Variants in MEGF11 observed in about 807,000 individuals in gnomAD.
MEGF11 encodes multiple epidermal growth factor-like domains protein 11.
MEGF11 carries 126 observed loss-of-function variants against 146.6 expected under a neutral mutation model. The observed-to-expected ratio is 0.86, with a 90% CI of 0.74 to 1.00. The LOEUF (loss-of-function observed/expected upper bound fraction) is 1.00. Ranked by LOEUF, MEGF11 falls within the 50% of genes least tolerant of loss-of-function variation. The pLI is 0.00. For synonymous variants in MEGF11, 532 were observed against 583.4 expected (o/e 0.91, Z 1.27); for missense variants, 1,509 against 1,521.2 (o/e 0.99, Z 0.13).
intron 1 of MEGF11, among the ~76,000 whole-genome samples, chr15:66,204,391 C>A (rs1476765590): frequency 1.3e-5 from 2 of 151,844 alleles, no homozygotes; most frequent in African/African-American, 2.4e-5. Context: ...GATGACAGAA[C>A]AAGACCCTGT....
chr15:65,916,312 G>A, intron 17 of MEGF11, 36 bp from the exon 18 acceptor site: 1 of 1,540,146 alleles, frequency 6.5e-7, no homozygotes, highest in Non-Finnish European at 8.8e-7. Flanking sequence ...GAGAGTTGCT[G>A]CTGGGTGGGG....
intron 17 of MEGF11, 115 bp from the exon 18 acceptor site, chr15:65,916,391 G>T: frequency 7.8e-7 from 1 of 1,287,342 alleles, no homozygotes; most frequent in Non-Finnish European, 1.1e-6. Flanking sequence ...ATGAAGACTA[G>T]TGAGACCCTG....
intron 5 of MEGF11, among the ~76,000 whole-genome samples, chr15:66,040,925 T>C (rs1018467818): frequency 5.3e-5 from 8 of 150,934 alleles, no homozygotes; most frequent in African/African-American, 1.7e-4. Flanking sequence ...TTTTTTTTTT[T>C]TCCCCCCCGG....
intron 1 of MEGF11, among the ~76,000 whole-genome samples, chr15:66,132,478 G>T (rs1424001943): frequency 6.6e-6 from 1 of 152,210 alleles, no homozygotes; most frequent in Non-Finnish European, 1.5e-5. Context: ...CCTGCTCTCT[G>T]TCAATCCCAG....
intron 4 of MEGF11, among the ~76,000 whole-genome samples, chr15:66,113,382 TG>T (rs1313733729): frequency 1.3e-5 from 2 of 152,252 alleles, no homozygotes; most frequent in East Asian, 3.9e-4. Context: ...AAGCCACCAC[TG>T]AAAGGGCCAG....
chr15:66,139,927 C>G (rs1420066344), intron 1 of MEGF11, among the ~76,000 whole-genome samples: 1 of 152,096 alleles, frequency 6.6e-6, no homozygotes, highest in African/African-American at 2.4e-5. Flanking sequence ...ACCCTGAGCA[C>G]CAGTGTCAAG....
chr15:66,058,248 T>C (rs1421483186), intron 5 of MEGF11, among the ~76,000 whole-genome samples: 2 of 152,056 alleles, frequency 1.3e-5, no homozygotes, highest in Non-Finnish European at 2.9e-5. Flanking sequence ...CGGCAGTAAA[T>C]GGATAATATC....
At chr15:66,217,164 G>T (rs1018934719) in intron 1 of MEGF11, among the ~76,000 whole-genome samples, 6 of 152,226 alleles carry the variant, frequency 3.9e-5, no homozygotes, top group Non-Finnish European at 7.3e-5. Context: ...ACCTAAGTCA[G>T]GGGGCATGTC....
chr15:66,045,119 C>T (rs1050704662), intron 5 of MEGF11, among the ~76,000 whole-genome samples: 2 of 152,182 alleles, frequency 1.3e-5, no homozygotes, highest in African/African-American at 2.4e-5. Flanking sequence ...ATGTATATAT[C>T]GCTCATACAA....
chr15:66,026,114 T>C (rs1316700456), intron 5 of MEGF11, among the ~76,000 whole-genome samples: 1 of 152,176 alleles, frequency 6.6e-6, no homozygotes, highest in African/African-American at 2.4e-5. Flanking sequence ...ACAGGGGATT[T>C]CCCCCACTCC....
At chr15:66,140,171 G>T (rs2089078961) in intron 1 of MEGF11, among the ~76,000 whole-genome samples, 1 of 152,110 alleles carries the variant, frequency 6.6e-6, no homozygotes, top group African/African-American at 2.4e-5. Flanking sequence ...ACAAGGACAG[G>T]CCTTTAGGAA....
In MEGF11 at chr15:65,957,739, G is replaced by A. The variant is rs745400429; in HGVS notation, c.1113-18C>T. On this transcript the variant is annotated intron_variant, in intron 9 of 25. Coordinates refer to ENST00000395614, the MANE Select transcript of MEGF11 (RefSeq NM_001385028.1). ...GGTGGCAGCTGCACAGATGAGAGAA[G>A]GGTGAGAAGACAGCTTGTTCTGGGA... 2 of 1,612,594 alleles carry A rather than the reference G, an allele frequency of 1.2e-6. No individual in the cohort carries two copies. Among genetic ancestry groups the A allele is most frequent in the Non-Finnish European group, 1.7e-6 (2 of 1,179,248 alleles).
chr15:66,107,464 C>A (rs1279549726), intron 4 of MEGF11, among the ~76,000 whole-genome samples: 1 of 152,200 alleles, frequency 6.6e-6, no homozygotes, highest in African/African-American at 2.4e-5. Context: ...GTCCCTCCCA[C>A]GTCCCTCCAG....
At chr15:65,922,229 A>C (rs2079193133) in intron 15 of MEGF11, 109 bp downstream of exon 15, 1 of 1,372,548 alleles carries the variant, frequency 7.3e-7, no homozygotes, top group African/African-American at 1.4e-5. Context: ...AGAGGGAAGG[A>C]GCTACCTCCA....
intron 1 of MEGF11, among the ~76,000 whole-genome samples, chr15:66,242,061 G>A (rs1357556147): frequency 6.6e-6 from 1 of 152,146 alleles, no homozygotes; most frequent in East Asian, 1.9e-4. Context: ...CTTTGTGTGA[G>A]GCATGGTGCA....
chr15:66,009,295 TAGAGGAA>T (rs2082628495), intron 5 of MEGF11, among the ~76,000 whole-genome samples: 1 of 148,716 alleles, frequency 6.7e-6, no homozygotes, highest in Non-Finnish European at 1.5e-5. Flanking sequence ...AAATTACCAG[TAGAGGAA>T]AGACCAGTCC....
intron 1 of MEGF11, among the ~76,000 whole-genome samples, chr15:66,203,086 C>T (rs1312889860): frequency 1.3e-5 from 2 of 152,262 alleles, no homozygotes; most frequent in Non-Finnish European, 2.9e-5. Context: ...CCTGGACTCA[C>T]AAAAGTCAGC....
At chr15:66,067,902 G>A (rs2085200851) in intron 5 of MEGF11, among the ~76,000 whole-genome samples, 1 of 152,196 alleles carries the variant, frequency 6.6e-6, no homozygotes, top group Non-Finnish European at 1.5e-5. Flanking sequence ...TGCTGGCAAG[G>A]ACTTAACGCC....
chr15:65,977,612 G>A (rs1392913565), intron 7 of MEGF11, among the ~76,000 whole-genome samples: 1 of 151,488 alleles, frequency 6.6e-6, no homozygotes, highest in Admixed American at 6.6e-5. Flanking sequence ...CCGAATAGCT[G>A]GGATTACAGG....
Sources: gnomAD v4.1 joint callset for allele counts (sites outside exome capture counted in the v4.1 genomes callset) on GRCh38, gnomAD v4.1.1 for gene constraint, MANE v1.5 for transcripts, NCBI Gene and HGNC (gene_info 2026-07-23, HGNC 2026-07-21) for gene names.